The following RNPEP variants were observed in gnomAD, a reference collection of about 807,000 sequenced individuals.
RNPEP encodes the protein aminopeptidase B.
Under a neutral mutation model 70.1 loss-of-function variants are expected in RNPEP, and 57 were observed. That is an observed-to-expected ratio of 0.81 (90% CI 0.66 to 1.01). RNPEP has a LOEUF of 1.01. RNPEP is among the 50% of genes least tolerant of loss of function. RNPEP has a pLI of 0.00. For synonymous variants in RNPEP, 335 were observed against 357.4 expected (o/e 0.94, Z 0.71); for missense variants, 787 against 852.4 (o/e 0.92, Z 0.96).
chr1:201,987,640 G>A (rs1400846602), intron 1 of RNPEP, among the ~76,000 whole-genome samples: 1 of 151,368 alleles, frequency 6.6e-6, no homozygotes, highest in Non-Finnish European at 1.5e-5. Context: ...GTTTTACCAT[G>A]TTATCCAGGC....
At chr1:201,984,821 C>CTTTTTTCTTTTTTTTTTTT (rs1558257963) in intron 1 of RNPEP, among the ~76,000 whole-genome samples, 1 of 121,998 alleles carries the variant, frequency 8.2e-6, no homozygotes, top group Non-Finnish European at 1.7e-5. Flanking sequence ...GTATTTCTTT[C>CTTTTTTCTTTTTTTTTTTT]TTTTTTTTTT....
chr1:201,989,563 G>T, intron 3 of RNPEP, 32 bp downstream of exon 3: 1 of 1,613,304 alleles, frequency 6.2e-7, no homozygotes, highest in Non-Finnish European at 8.5e-7. Flanking sequence ...GGCAAGGTTG[G>T]ATTGGCCTCA....
rs1682975461 is a variant in RNPEP at position 201,982,659 on chromosome 1, C to T, written c.-8C>T. 1.5e-6 allele frequency: 2 copies of T among 1,333,710 alleles called. No homozygotes were observed. The highest frequency in any genetic ancestry group is 3.6e-5 in the Admixed American group (1 of 27,676). 82.6% of individuals were successfully genotyped at this position (1,333,710 alleles called of 1,614,324 possible). A position where few individuals can be genotyped will look rare whatever the true frequency, so the allele number is the denominator to read the frequency against. Reference sequence around the variant, plus strand: ...GCGGCCCGGCCGGTGAGCAACGGCTCTGCGGCCATGGCGAGCGGCGAGCAT... The same window carrying T: ...GCGGCCCGGCCGGTGAGCAACGGCTTTGCGGCCATGGCGAGCGGCGAGCAT... On this transcript the variant is annotated 5_prime_UTR_variant, in exon 1 of 11. Transcript: ENST00000295640.
chr1:201,995,948 G>A, intron 3 of RNPEP, 199 bp from the exon 4 acceptor site: 1 of 573,224 alleles, frequency 1.7e-6, no homozygotes, highest in South Asian at 2.2e-5. Flanking sequence ...CCATGAGGCT[G>A]TCTTGGGTTC....
At chr1:201,992,021 T>C (rs1255960439) in intron 3 of RNPEP, among the ~76,000 whole-genome samples, 1 of 151,030 alleles carries the variant, frequency 6.6e-6, no homozygotes, top group Non-Finnish European at 1.5e-5. Context: ...TGTGCCTTTC[T>C]CCCTCCCTCC....
intron 1 of RNPEP, among the ~76,000 whole-genome samples, chr1:201,986,306 G>T (rs1683129547): frequency 6.6e-6 from 1 of 151,846 alleles, no homozygotes; most frequent in Non-Finnish European, 1.5e-5. Flanking sequence ...TGTTGCCCAG[G>T]CTGGTCTCAA....
At chr1:202,002,710 C>T (rs534484422) in intron 8 of RNPEP, among the ~76,000 whole-genome samples, 1 of 152,308 alleles carries the variant, frequency 6.6e-6, no homozygotes, top group East Asian at 1.9e-4. Flanking sequence ...GTTAATAATT[C>T]CAGAGTACTT....
intron 1 of RNPEP, among the ~76,000 whole-genome samples, chr1:201,986,978 T>TA (rs1440742621): frequency 2.6e-5 from 4 of 152,214 alleles, no homozygotes; most frequent in Non-Finnish European, 5.9e-5. Flanking sequence ...TCCCTTTCTA[T>TA]ACTGCACTGT....
chr1:202,005,846 T>G lies in RNPEP; in HGVS notation c.*130T>G. 1 of 1,121,272 alleles carries G rather than the reference T, an allele frequency of 8.9e-7. No individual in the cohort carries two copies. The highest frequency in any genetic ancestry group is 2.2e-5 in the Admixed American group (1 of 44,996). The allele number at this position is 1,121,272 out of a possible 1,614,324, so 69.5% of individuals were successfully genotyped here. ...CCCTCAGGATAATCTATTCTCTAGC[T>G]TAGGTATCTGTGACTCTTGGGCCTC... On this transcript the variant is annotated 3_prime_UTR_variant, in exon 11 of 11. Transcript: ENST00000295640.
chr1:202,001,210 G>A (rs1341106913), intron 6 of RNPEP, 166 bp from the exon 7 acceptor site: 2 of 608,748 alleles, frequency 3.3e-6, no homozygotes, highest in African/African-American at 3.7e-5. Flanking sequence ...GAGAGTCCAA[G>A]ATCTGGAGAG....
chr1:201,996,465 T>TTTTG (rs374820102), intron 4 of RNPEP: 4 of 233,040 alleles, frequency 1.7e-5, no homozygotes, highest in Non-Finnish European at 3.3e-5. Context: ...ATGAGGTTCT[T>TTTTG]TGTGTGTGTG....
At chr1:201,983,789 G>T in intron 1 of RNPEP, 1 of 1,102,528 alleles carries the variant, frequency 9.1e-7, no homozygotes. Flanking sequence ...GGCAAATATT[G>T]GAAATAAGAG....
intron 1 of RNPEP, among the ~76,000 whole-genome samples, chr1:201,987,583 G>A (rs1683178278): frequency 6.6e-6 from 1 of 151,622 alleles, no homozygotes; most frequent in African/African-American, 2.4e-5. Flanking sequence ...AATTACAGGT[G>A]CATGCCATCA....
rs528989437 is a variant in RNPEP at position 201,984,903 on chromosome 1, C to G, written c.447+1790C>G. 3.0e-5 allele frequency among the ~76,000 whole-genome samples: 4 copies of G among 134,384 alleles called. No homozygotes were observed. In the South Asian group the frequency reaches 9.6e-4, roughly 32 times the overall value. 88.2% of individuals were successfully genotyped at this position (134,384 alleles called of 152,430 possible). On this transcript the variant is annotated intron_variant, in intron 1 of 10. Coordinates refer to ENST00000295640, the MANE Select transcript of RNPEP (RefSeq NM_020216.4). Reference sequence around the variant, plus strand: ...CCTACATTGTTCTTTTTAAAAATCTCGTTTCCAGGCTGGGTGTGGTGGCTC... The same window carrying G: ...CCTACATTGTTCTTTTTAAAAATCTGGTTTCCAGGCTGGGTGTGGTGGCTC...
intron 6 of RNPEP, among the ~76,000 whole-genome samples, chr1:202,000,757 G>T (rs1683761178): frequency 6.6e-6 from 1 of 152,118 alleles, no homozygotes; most frequent in Non-Finnish European, 1.5e-5. Flanking sequence ...AGCTGGGTGT[G>T]GTGATGCACA....
chr1:201,993,497 T>C (rs1374423879), intron 3 of RNPEP, among the ~76,000 whole-genome samples: 2 of 151,872 alleles, frequency 1.3e-5, no homozygotes, highest in Non-Finnish European at 2.9e-5. Context: ...CTCAGGAGGC[T>C]GAGGCAGGAG....
chr1:201,997,801 T>C (rs1428097480), intron 5 of RNPEP, among the ~76,000 whole-genome samples: 1 of 150,742 alleles, frequency 6.6e-6, no homozygotes, highest in Non-Finnish European at 1.5e-5. Flanking sequence ...TTTGCTCTTG[T>C]TGCCCAGGCT....
intron 4 of RNPEP, among the ~76,000 whole-genome samples, chr1:201,996,714 G>A (rs1056161741): frequency 4.6e-5 from 7 of 151,984 alleles, no homozygotes; most frequent in Non-Finnish European, 7.4e-5. Flanking sequence ...GGCTGGTCTC[G>A]AACTCCTGAC....
intron 9 of RNPEP, 53 bp downstream of exon 9, chr1:202,003,514 G>T (rs1683921751): frequency 5.3e-6 from 7 of 1,316,498 alleles, no homozygotes; most frequent in Admixed American, 1.9e-5. Flanking sequence ...TTATGTCAGG[G>T]GCTAGAGGGA....
Sources: gnomAD v4.1 joint callset for allele counts (sites outside exome capture counted in the v4.1 genomes callset) on GRCh38, gnomAD v4.1.1 for gene constraint, MANE v1.5 for transcripts, NCBI Gene and HGNC (gene_info 2026-07-23, HGNC 2026-07-21) for gene names.